The following FRK variants were observed in gnomAD, a reference collection of about 807,000 sequenced individuals.
The protein encoded by FRK is tyrosine-protein kinase FRK.
Under a neutral mutation model 56.4 loss-of-function variants are expected in FRK, and 51 were observed. The ratio of observed to expected loss-of-function variants is 0.90; its 90% CI spans 0.72 to 1.14. The LOEUF is 1.14. Among genes scored for constraint, FRK ranks in the 50% most tolerant of loss-of-function variants. The probability of loss-of-function intolerance (pLI) is 0.00; values close to 1 mark genes in which losing one functional copy is unlikely to be tolerated. For synonymous variants in FRK, 245 were observed against 217.9 expected, an observed-to-expected ratio of 1.12 and a Z score of -1.10; for missense variants, 570 against 601.4, an observed-to-expected ratio of 0.95 and a Z score of 0.55.
chr6:116,012,147 G>T (rs1196725376), intron 1 of FRK, among the ~76,000 whole-genome samples: 2 of 152,012 alleles, frequency 1.3e-5, no homozygotes, highest in Non-Finnish European at 2.9e-5. Flanking sequence ...ATAAAAGGAG[G>T]CAGGCACTGT....
chr6:116,048,628 T>C (rs1246205845), intron 1 of FRK, among the ~76,000 whole-genome samples: 1 of 152,018 alleles, frequency 6.6e-6, no homozygotes, highest in African/African-American at 2.4e-5. Context: ...TCAAGTGATC[T>C]TCCCACCTCA....
chr6:115,993,535 A>G (rs942487117), intron 2 of FRK, among the ~76,000 whole-genome samples: 1 of 151,842 alleles, frequency 6.6e-6, no homozygotes, highest in African/African-American at 2.4e-5. Context: ...GCCAACACGA[A>G]TTTAAACATT....
At chr6:115,995,196 T>A (rs945299109) in intron 2 of FRK, among the ~76,000 whole-genome samples, 8 of 152,178 alleles carry the variant, frequency 5.3e-5, no homozygotes, top group African/African-American at 1.7e-4. Flanking sequence ...ATAGAGCTAC[T>A]ATGATTCTGC....
At chr6:116,058,910 CAAAAAAAAAA>C (rs3049930) in intron 1 of FRK, among the ~76,000 whole-genome samples, 10 of 78,434 alleles carry the variant, frequency 1.3e-4, no homozygotes, top group African/African-American at 4.6e-4. Flanking sequence ...GACTCCGTCT[CAAAAAAAAAA>C]AAAAAAAAAA....
At chr6:116,065,844 T>C (rs896388386), upstream of FRK, among the ~76,000 whole-genome samples, 3 of 152,232 alleles carry the variant, frequency 2.0e-5, no homozygotes, top group Non-Finnish European at 2.9e-5. Context: ...ATGAATGTCA[T>C]TCTCCTAGAA....
At chr6:115,951,559 AT>A (rs1393338390) in intron 5 of FRK, among the ~76,000 whole-genome samples, 5 of 151,886 alleles carry the variant, frequency 3.3e-5, no homozygotes, top group African/African-American at 1.2e-4. Flanking sequence ...ATTACCCTCA[AT>A]ACTAAAGTTT....
intron 2 of FRK, chr6:116,002,569 G>T (rs1775103975): frequency 5.5e-6 from 2 of 366,330 alleles, no homozygotes; most frequent in East Asian, 1.7e-4. Flanking sequence ...GTGAGCCACT[G>T]CACTCCAGCC....
intron 1 of FRK, among the ~76,000 whole-genome samples, chr6:116,030,259 G>A (rs1269365143): frequency 6.6e-6 from 1 of 152,064 alleles, no homozygotes; most frequent in Admixed American, 6.6e-5. Flanking sequence ...TGATCCCTCA[G>A]GTGTCCCATA....
At chr6:116,042,094 A>T (rs1429774442) in intron 1 of FRK, among the ~76,000 whole-genome samples, 2 of 152,176 alleles carry the variant, frequency 1.3e-5, no homozygotes, top group Non-Finnish European at 1.5e-5. Context: ...AGGCTTGAGT[A>T]GGCGGTTTTT....
intron 4 of FRK, among the ~76,000 whole-genome samples, chr6:115,958,639 GAAAGAA>G (rs1187252586): frequency 4.4e-4 from 2 of 4,530 alleles, no homozygotes; most frequent in African/African-American, 7.8e-4. Context: ...AAAAAGGAAA[GAAAGAA>G]AAGAAAGAAA....
At chr6:116,014,928 A>G (rs1344354710) in intron 1 of FRK, among the ~76,000 whole-genome samples, 12 of 152,200 alleles carry the variant, frequency 7.9e-5, no homozygotes, top group Admixed American at 2.6e-4. Context: ...GAGTACATGC[A>G]TTTTTTTCCG....
intron 2 of FRK, among the ~76,000 whole-genome samples, chr6:115,977,898 C>T (rs957006848): frequency 2.0e-5 from 3 of 152,008 alleles, no homozygotes; most frequent in African/African-American, 4.8e-5. Flanking sequence ...TTTATATATC[C>T]GGTATGTAAA....
chr6:115,994,338 C>CCCCTT (rs1554230544), intron 2 of FRK, among the ~76,000 whole-genome samples: 7 of 91,764 alleles, frequency 7.6e-5, no homozygotes, highest in Non-Finnish European at 1.7e-4. Context: ...CCCCCCCCGC[C>CCCCTT]TTTTTTTTGT....
At chr6:115,989,410 TA>T (rs950198002) in intron 2 of FRK, among the ~76,000 whole-genome samples, 1 of 151,800 alleles carries the variant, frequency 6.6e-6, no homozygotes, top group Non-Finnish European at 1.5e-5. Flanking sequence ...GCTTTGTACC[TA>T]AATAGATACA....
In FRK at chr6:116,020,937, T is replaced by C. The variant is rs574320526; in HGVS notation, c.345-16939A>G. 3.2e-4 allele frequency among the ~76,000 whole-genome samples: 49 copies of C among 152,290 alleles called. No individual in the cohort carries two copies. The South Asian group carries it at 8.7e-3, about 27-fold the overall frequency. On this transcript the variant is annotated intron_variant, in intron 1 of 7. Transcript: ENST00000606080. The stretch of plus-strand genomic sequence containing the variant: ...TACTTTTGATATGAATACAGATTTC[T>C]AAACTGTGGTTGGTTTCTAAACCTC...
At chr6:115,993,774 C>A (rs1398385990) in intron 2 of FRK, among the ~76,000 whole-genome samples, 1 of 151,944 alleles carries the variant, frequency 6.6e-6, no homozygotes, top group Non-Finnish European at 1.5e-5. Flanking sequence ...CCTCTTTGTG[C>A]ATCATCTGTC....
At chr6:116,057,146 A>G (rs1777431280) in intron 1 of FRK, among the ~76,000 whole-genome samples, 1 of 152,248 alleles carries the variant, frequency 6.6e-6, no homozygotes, top group South Asian at 2.1e-4. Context: ...TGGTCTAATT[A>G]GGAATTAGAT....
intron 5 of FRK, among the ~76,000 whole-genome samples, chr6:115,946,547 G>A (rs1298778791): frequency 6.6e-6 from 1 of 152,174 alleles, no homozygotes; most frequent in African/African-American, 2.4e-5. Flanking sequence ...AATTACCTAT[G>A]TGGAAATGAC....
intron 2 of FRK, among the ~76,000 whole-genome samples, chr6:116,003,585 C>A (rs545493293): frequency 8.5e-5 from 13 of 152,218 alleles, no homozygotes; most frequent in African/African-American, 3.1e-4. Flanking sequence ...CTTATCATTT[C>A]CCTAAAAGAA....
Sources: allele counts gnomAD v4.1 joint callset (sites outside exome capture counted in the v4.1 genomes callset), GRCh38; gene constraint gnomAD v4.1.1; transcripts MANE v1.5; gene names NCBI Gene and HGNC (gene_info 2026-07-23, HGNC 2026-07-21).